PRKN: variants seen among roughly 807,000 people sequenced by gnomAD.
PRKN encodes the protein E3 ubiquitin-protein ligase parkin.
In PRKN, 56 loss-of-function variants were observed where a neutral mutation model predicts 59.5. The ratio of observed to expected loss-of-function variants is 0.94; its 90% confidence interval spans 0.76 to 1.18. The LOEUF (loss-of-function observed/expected upper bound fraction) is 1.18. Ranked by LOEUF, PRKN falls within the 50% of genes most tolerant of loss-of-function variation. The probability of loss-of-function intolerance (pLI) is 0.00; values close to 1 mark genes in which losing one functional copy is unlikely to be tolerated. For missense variants in PRKN, 657 were observed against 596.4 expected, an observed-to-expected ratio of 1.10 and a Z score of -1.06; for synonymous variants, 250 against 222.1, an observed-to-expected ratio of 1.13 and a Z score of -1.12.
intron 6 of PRKN, among the ~76,000 whole-genome samples, chr6:161,932,935 G>A (rs930001347): frequency 2.4e-4 from 36 of 152,042 alleles, no homozygotes; most frequent in African/African-American, 8.2e-4. Flanking sequence ...AAGATGTTTT[G>A]TTTCTGTAGT....
intron 6 of PRKN, among the ~76,000 whole-genome samples, chr6:161,837,315 GAA>G (rs796910936): frequency 4.3e-4 from 65 of 152,262 alleles, no homozygotes; most frequent in African/African-American, 1.4e-3. Flanking sequence ...TTAGAAAAAT[GAA>G]AGAGAGAAGA....
At chr6:161,585,245 T>C (rs1444921970) in intron 7 of PRKN, among the ~76,000 whole-genome samples, 1 of 152,224 alleles carries the variant, frequency 6.6e-6, no homozygotes, top group Non-Finnish European at 1.5e-5. Context: ...GTGCTACACA[T>C]TGTACAAGAA....
At chr6:161,979,832 C>T (rs1781194343) in intron 5 of PRKN, among the ~76,000 whole-genome samples, 1 of 152,118 alleles carries the variant, frequency 6.6e-6, no homozygotes, top group African/African-American at 2.4e-5. Context: ...CTGTGGTATT[C>T]CTGGAAGCCA....
chr6:162,485,474 A>G (rs1459590401), intron 1 of PRKN, among the ~76,000 whole-genome samples: 4 of 152,216 alleles, frequency 2.6e-5, no homozygotes, highest in African/African-American at 9.6e-5. Context: ...TGAGGTCAGA[A>G]GTAGACTTAA....
chr6:161,991,131 A>G (rs1005768383), intron 5 of PRKN, among the ~76,000 whole-genome samples: 3 of 152,194 alleles, frequency 2.0e-5, no homozygotes, highest in Non-Finnish European at 4.4e-5. Flanking sequence ...CTAGGAAAGA[A>G]TATTCTACCA....
At chr6:161,509,068 T>A (rs1356006635) in intron 9 of PRKN, among the ~76,000 whole-genome samples, 1 of 152,162 alleles carries the variant, frequency 6.6e-6, no homozygotes, top group Non-Finnish European at 1.5e-5. Context: ...AGTCTCGAAC[T>A]CCTGACCTCA....
intron 5 of PRKN, among the ~76,000 whole-genome samples, chr6:162,033,111 G>A (rs1206813026): frequency 1.3e-5 from 2 of 152,154 alleles, no homozygotes; most frequent in East Asian, 3.9e-4. Context: ...CACATGTTAT[G>A]AATGATCTCG....
rs1178132992 is a variant in PRKN at position 161,560,030 on chromosome 6, C to G, written c.933+9325G>C. Among the ~76,000 whole-genome samples the G allele has an allele frequency of 1.3e-5, 2 of 152,132 alleles. No homozygotes were observed. The highest frequency in any genetic ancestry group is 2.9e-5 in the Non-Finnish European group (2 of 68,024). ...CCCTCCAAAGATCATCACAATGCAT[C>G]CCTCATGCCCCACATCATTGCTTCA... On this transcript the variant is annotated intron_variant, in intron 8 of 11. Transcript: ENST00000366898. The surrounding 1 kb of genome is among the most constrained non-coding windows in gnomAD (Gnocchi z 4.9).
chr6:162,215,973 C>T (rs1165614907), intron 3 of PRKN, among the ~76,000 whole-genome samples: 4 of 151,844 alleles, frequency 2.6e-5, no homozygotes, highest in African/African-American at 7.3e-5. Context: ...AACCGGGACC[C>T]GGGAGGCAGA....
chr6:162,604,916 T>C (rs1277636445), intron 1 of PRKN, among the ~76,000 whole-genome samples: 5 of 152,174 alleles, frequency 3.3e-5, no homozygotes, highest in Admixed American at 2.6e-4. Flanking sequence ...AGCACTTCAC[T>C]TCATTTCACA....
intron 1 of PRKN, among the ~76,000 whole-genome samples, chr6:162,644,466 C>T (rs1335484735): frequency 2.0e-5 from 3 of 152,216 alleles, no homozygotes; most frequent in African/African-American, 4.8e-5. Flanking sequence ...CCAGCCCGCA[C>T]AGACCTAATC....
intron 5 of PRKN, among the ~76,000 whole-genome samples, chr6:162,025,224 C>T (rs1458549895): frequency 5.9e-5 from 9 of 151,896 alleles, no homozygotes; most frequent in Non-Finnish European, 8.8e-5. Flanking sequence ...ACCGTGGTCT[C>T]GATCTTCTGA....
At chr6:161,814,567 A>G (rs1018029691) in intron 6 of PRKN, among the ~76,000 whole-genome samples, 3 of 152,066 alleles carry the variant, frequency 2.0e-5, no homozygotes, top group Non-Finnish European at 2.9e-5. Flanking sequence ...CAATGGCCCA[A>G]TCTTGGCTCA....
At chr6:162,476,818 G>A (rs2128180621) in intron 1 of PRKN, among the ~76,000 whole-genome samples, 1 of 152,276 alleles carries the variant, frequency 6.6e-6, no homozygotes. Flanking sequence ...CAAGAAGCCT[G>A]AACACCTAGA....
intron 6 of PRKN, among the ~76,000 whole-genome samples, chr6:161,798,092 T>A (rs1583177529): frequency 2.0e-5 from 3 of 152,218 alleles, no homozygotes; most frequent in Admixed American, 2.0e-4. Flanking sequence ...TCCCAGCTAC[T>A]TGGGAGGCTA....
At chr6:162,666,731 T>C (rs914178944) in intron 1 of PRKN, among the ~76,000 whole-genome samples, 1 of 152,156 alleles carries the variant, frequency 6.6e-6, no homozygotes, top group African/African-American at 2.4e-5. Flanking sequence ...TTGGTAATTA[T>C]GTTAAAGCAC....
chr6:162,630,781 A>C (rs1206688662), intron 1 of PRKN, among the ~76,000 whole-genome samples: 1 of 152,160 alleles, frequency 6.6e-6, no homozygotes, highest in Non-Finnish European at 1.5e-5. Flanking sequence ...TAAGCATGAT[A>C]CTGTCTTACA....
At chr6:162,312,523 G>A (rs897338802) in intron 2 of PRKN, among the ~76,000 whole-genome samples, 5 of 152,106 alleles carry the variant, frequency 3.3e-5, no homozygotes, top group African/African-American at 7.2e-5. Flanking sequence ...TGACCCAGGC[G>A]ATACAACACC....
At chr6:162,479,757 G>GTTTTT (rs749892002) in intron 1 of PRKN, among the ~76,000 whole-genome samples, 43,594 of 147,998 alleles carry the variant, frequency 0.29, 6,736 homozygotes, top group East Asian at 0.46. Context: ...ACAGTTATCT[G>GTTTTT]TTTTTTTTTC....
Sources: allele counts gnomAD v4.1 joint callset (sites outside exome capture counted in the v4.1 genomes callset), GRCh38; gene constraint gnomAD v4.1.1; non-coding constraint Gnocchi (gnomAD v3.1); transcripts MANE v1.5; gene names NCBI Gene and HGNC (gene_info 2026-07-23, HGNC 2026-07-21).